The following FMNL2 variants were observed in gnomAD, a reference collection of about 807,000 sequenced individuals.
FMNL2 encodes formin like 2.
FMNL2 carries 51 observed loss-of-function variants against 130.2 expected under a neutral mutation model. The observed-to-expected ratio is 0.39, with a 90% CI of 0.31 to 0.49. The LOEUF is 0.49. FMNL2 is among the 20% of genes least tolerant of loss of function. FMNL2 has a pLI of 0.85. For synonymous variants in FMNL2, 465 were observed against 467.1 expected (o/e 1.00, Z 0.06); for missense variants, 977 against 1,316.2 (o/e 0.74, Z 3.99).
intron 15 of FMNL2, 97 bp from the exon 16 acceptor site, chr2:152,625,341 G>C (rs1241507864): frequency 3.5e-6 from 5 of 1,416,742 alleles, no homozygotes; most frequent in Non-Finnish European, 3.8e-6. Flanking sequence ...CCTTCCTCCA[G>C]TGTCAAAGTG....
chr2:152,606,773 G>T (rs1698381833), intron 9 of FMNL2, among the ~76,000 whole-genome samples: 1 of 151,430 alleles, frequency 6.6e-6, no homozygotes, highest in Admixed American at 6.6e-5. Context: ...TATGTTTCAG[G>T]ATTCTGGGAT....
At chr2:152,351,358 C>A (rs1682472236) in intron 1 of FMNL2, among the ~76,000 whole-genome samples, 1 of 152,188 alleles carries the variant, frequency 6.6e-6, no homozygotes, top group African/African-American at 2.4e-5. Flanking sequence ...CCCTTTCCCA[C>A]CAATCCCAGC....
intron 1 of FMNL2, among the ~76,000 whole-genome samples, chr2:152,363,438 A>C (rs572326663): frequency 6.6e-6 from 1 of 152,276 alleles, no homozygotes; most frequent in Admixed American, 6.5e-5. Context: ...ACTTTTACTA[A>C]GATACTTGCT....
intron 1 of FMNL2, among the ~76,000 whole-genome samples, chr2:152,498,510 C>G (rs953093943): frequency 2.0e-5 from 3 of 151,984 alleles, no homozygotes; most frequent in South Asian, 4.1e-4. Flanking sequence ...ATTCTTGAAC[C>G]CTTACCTATT....
At chr2:152,374,168 T>C (rs1206880577) in intron 1 of FMNL2, among the ~76,000 whole-genome samples, 1 of 152,166 alleles carries the variant, frequency 6.6e-6, no homozygotes, top group Non-Finnish European at 1.5e-5. Context: ...ATAAAGAGAC[T>C]TAATAACAGG....
chr2:152,581,612 C>A (rs963048624), intron 9 of FMNL2, among the ~76,000 whole-genome samples: 1 of 151,818 alleles, frequency 6.6e-6, no homozygotes, highest in African/African-American at 2.4e-5. Context: ...CCTGCCCCAG[C>A]GTATCCAAAC....
chr2:152,403,665 A>C (rs1558833494), intron 1 of FMNL2, among the ~76,000 whole-genome samples: 1 of 152,090 alleles, frequency 6.6e-6, no homozygotes, highest in Non-Finnish European at 1.5e-5. Context: ...GACAGATCAC[A>C]TACTTGGTGG....
intron 1 of FMNL2, among the ~76,000 whole-genome samples, chr2:152,383,777 G>A (rs1684631353): frequency 6.6e-6 from 1 of 152,158 alleles, no homozygotes; most frequent in Admixed American, 6.5e-5. Context: ...ATAAGTTAAG[G>A]CATTTATTTA....
chr2:152,575,306 G>C, intron 7 of FMNL2, 62 bp downstream of exon 7: 1 of 1,104,706 alleles, frequency 9.1e-7, no homozygotes, highest in Non-Finnish European at 1.3e-6. Context: ...AGAAATGACT[G>C]CTGGGTGCAG....
chr2:152,593,783 TA>T (rs1334879155), intron 9 of FMNL2, among the ~76,000 whole-genome samples: 40 of 151,318 alleles, frequency 2.6e-4, no homozygotes, highest in African/African-American at 9.0e-4. Context: ...GTCAGATTCT[TA>T]GCTGTGCAAT....
intron 1 of FMNL2, among the ~76,000 whole-genome samples, chr2:152,495,034 C>T (rs2881336): frequency 0.32 from 49,376 of 151,994 alleles, 8,380 homozygotes; most frequent in East Asian, 0.57. Flanking sequence ...AAAAACTTTG[C>T]GTTGGGGAAT....
chr2:152,360,838 A>G (rs189442727), intron 1 of FMNL2, among the ~76,000 whole-genome samples: 42 of 152,340 alleles, frequency 2.8e-4, no homozygotes, highest in African/African-American at 9.9e-4. Flanking sequence ...TTTGTAATAC[A>G]ATATTGAAGC....
intron 15 of FMNL2, among the ~76,000 whole-genome samples, chr2:152,624,763 G>C (rs2105914780): frequency 6.6e-6 from 1 of 152,284 alleles, no homozygotes; most frequent in South Asian, 2.1e-4. Flanking sequence ...CCCGAGCCTG[G>C]GAGGTCAAGG....
chr2:152,575,716 G>T (rs560232259), intron 7 of FMNL2, among the ~76,000 whole-genome samples: 34 of 152,312 alleles, frequency 2.2e-4, no homozygotes, highest in Middle Eastern at 3.4e-3. Flanking sequence ...TGAATAAGCT[G>T]CTGTTGCAGG....
At chr2:152,474,776 A>C (rs557433133) in intron 1 of FMNL2, among the ~76,000 whole-genome samples, 1 of 152,298 alleles carries the variant, frequency 6.6e-6, no homozygotes, top group South Asian at 2.1e-4. Flanking sequence ...ATTGATAGGC[A>C]TTAGTTGGGT....
intron 10 of FMNL2, among the ~76,000 whole-genome samples, chr2:152,610,412 G>A (rs1052428193): frequency 6.6e-6 from 1 of 151,878 alleles, no homozygotes; most frequent in Non-Finnish European, 1.5e-5. Context: ...AGGACACAGC[G>A]TCACCCCCCC....
chr2:152,430,165 C>T (rs1687421132), intron 1 of FMNL2, among the ~76,000 whole-genome samples: 2 of 152,200 alleles, frequency 1.3e-5, no homozygotes, highest in Admixed American at 1.3e-4. Flanking sequence ...GACTAATTAT[C>T]CCTTCACTTG....
chr2:152,337,684 C>G (rs1681555775), intron 1 of FMNL2, among the ~76,000 whole-genome samples: 1 of 152,104 alleles, frequency 6.6e-6, no homozygotes. Flanking sequence ...GATTGTACAT[C>G]CCAAGCTTCT....
chr2:152,429,503 T>C (rs1432103587), intron 1 of FMNL2, among the ~76,000 whole-genome samples: 2 of 152,190 alleles, frequency 1.3e-5, no homozygotes, highest in Non-Finnish European at 2.9e-5. Context: ...AAAAGCTTAG[T>C]ATTTCAATGT....
Sources: allele counts gnomAD v4.1 joint callset (sites outside exome capture counted in the v4.1 genomes callset), GRCh38; gene constraint gnomAD v4.1.1; transcripts MANE v1.5; gene names NCBI Gene and HGNC (gene_info 2026-07-23, HGNC 2026-07-21).